The following PARD3B variants were observed in gnomAD, a reference collection of about 807,000 sequenced individuals.
PARD3B encodes the protein par-3 family cell polarity regulator beta, also known as partitioning defective 3 homolog B.
PARD3B carries 103 observed loss-of-function variants against 130.2 expected under a neutral mutation model. That is an observed-to-expected ratio of 0.79 (90% CI 0.67 to 0.93). PARD3B has a LOEUF of 0.93. Ranked by LOEUF, PARD3B falls within the 40% of genes least tolerant of loss-of-function variation. The pLI, the probability that PARD3B is intolerant of heterozygous loss-of-function variation, is 0.00. For synonymous variants in PARD3B, 583 were observed against 553.2 expected (o/e 1.05, Z -0.76); for missense variants, 1,609 against 1,499.2 (o/e 1.07, Z -1.21).
chr2:204,619,611 T>C (rs1453606912), intron 1 of PARD3B, among the ~76,000 whole-genome samples: 2 of 152,164 alleles, frequency 1.3e-5, no homozygotes, highest in East Asian at 3.9e-4. Flanking sequence ...TGTTGCTTTA[T>C]TGCCGCATTA....
intron 8 of PARD3B, among the ~76,000 whole-genome samples, chr2:205,123,069 G>A (rs2030941796): frequency 6.6e-6 from 1 of 152,102 alleles, no homozygotes; most frequent in African/African-American, 2.4e-5. Flanking sequence ...TGAAAGATAC[G>A]ACATCACATC....
At chr2:205,260,227 C>T (rs1289176095) in intron 16 of PARD3B, among the ~76,000 whole-genome samples, 2 of 152,098 alleles carry the variant, frequency 1.3e-5, no homozygotes, top group African/African-American at 4.8e-5. Flanking sequence ...AGTGGCATCA[C>T]CAGAATACCT....
chr2:204,857,658 G>A lies in PARD3B; in HGVS notation c.223-107494G>A, dbSNP rs1188887740. Among the ~76,000 whole-genome samples, 6 of 152,116 alleles carry A rather than the reference G, an allele frequency of 3.9e-5. No individual in the cohort carries two copies. The South Asian group carries it at 6.2e-4, about 16-fold the overall frequency. On this transcript the variant is annotated intron_variant, in intron 2 of 22. Transcript: ENST00000406610. ...AATGGAATTGAACTGGGGGACAGGG[G>A]TCAAACAAGGCCTTCTTGTTCATAT...
At chr2:204,860,131 AAC>A (rs2045121543) in intron 2 of PARD3B, among the ~76,000 whole-genome samples, 2 of 152,152 alleles carry the variant, frequency 1.3e-5, no homozygotes, top group African/African-American at 4.8e-5. Context: ...ACATTATAAA[AAC>A]AAAAAGGAAT....
intron 1 of PARD3B, among the ~76,000 whole-genome samples, chr2:204,548,449 CAG>C (rs1193349158): frequency 4.6e-5 from 7 of 152,074 alleles, no homozygotes; most frequent in East Asian, 1.9e-4. Context: ...TTTTACAAAT[CAG>C]GGGAAAAAGA....
intron 2 of PARD3B, among the ~76,000 whole-genome samples, chr2:204,749,341 G>A (rs1004834360): frequency 6.6e-6 from 1 of 152,038 alleles, no homozygotes; most frequent in Admixed American, 6.6e-5. Flanking sequence ...AATAATTTTG[G>A]TGTATTGTAA....
chr2:205,539,377 A>T (rs2052017487), intron 21 of PARD3B, among the ~76,000 whole-genome samples: 1 of 152,182 alleles, frequency 6.6e-6, no homozygotes. Flanking sequence ...TTTAATATGT[A>T]TGTAGGAACT....
intron 7 of PARD3B, 70 bp downstream of exon 7, chr2:205,119,116 T>C (rs1401899633): frequency 6.7e-7 from 1 of 1,483,604 alleles, no homozygotes; most frequent in Non-Finnish European, 9.0e-7. Flanking sequence ...ACTGAACTCA[T>C]TATGATCAAA....
At chr2:205,439,632 A>G (rs1042005124) in intron 19 of PARD3B, among the ~76,000 whole-genome samples, 1 of 152,164 alleles carries the variant, frequency 6.6e-6, no homozygotes, top group Admixed American at 6.5e-5. Context: ...TAGCACTAGC[A>G]TTTTGTAATA....
At chr2:205,227,042 C>T (rs551891961) in intron 15 of PARD3B, among the ~76,000 whole-genome samples, 10 of 150,566 alleles carry the variant, frequency 6.6e-5, no homozygotes, top group East Asian at 4.0e-4. Flanking sequence ...AGAATATACT[C>T]GATATAATTT....
intron 3 of PARD3B, among the ~76,000 whole-genome samples, chr2:205,007,211 C>T (rs940637382): frequency 1.3e-5 from 2 of 152,188 alleles, no homozygotes; most frequent in East Asian, 3.9e-4. Context: ...TTCCCCTTCA[C>T]CTTCCACCGT....
At chr2:205,419,975 G>T (rs368582926) in intron 19 of PARD3B, among the ~76,000 whole-genome samples, 1 of 152,110 alleles carries the variant, frequency 6.6e-6, no homozygotes, top group Admixed American at 6.6e-5. Context: ...ATATATTTTC[G>T]AAAGATTTGC....
rs1302129359 is a variant in PARD3B at position 205,119,031 on chromosome 2, A to G, written c.791A>G (p.Asp264Gly). The G allele has an allele frequency of 6.2e-7, 1 of 1,603,828 alleles. No homozygotes were observed. ...IVKINNVDLV[D>G]KTFAQAQDVF... ...AAAATCAACAATGTGGATCTCGTAG[A>G]CAAAACCTTTGCTCAGTAAGCATTT... The change falls in exon 7 of 23, where the codon GAC becomes GGC. Residue 264 changes from aspartate to glycine, a missense_variant. Transcript: ENST00000406610.
intron 1 of PARD3B, among the ~76,000 whole-genome samples, chr2:204,663,782 T>C (rs1159594708): frequency 6.6e-6 from 1 of 152,228 alleles, no homozygotes; most frequent in East Asian, 1.9e-4. Flanking sequence ...AGTAGATAAC[T>C]ATTTTAAAAA....
At chr2:204,862,250 A>G (rs2045239990) in intron 2 of PARD3B, among the ~76,000 whole-genome samples, 1 of 152,174 alleles carries the variant, frequency 6.6e-6, no homozygotes, top group African/African-American at 2.4e-5. Context: ...CCTCTGGGTC[A>G]CACAAGCCAG....
At chr2:205,404,712 G>T (rs1440595425) in intron 19 of PARD3B, among the ~76,000 whole-genome samples, 1 of 151,318 alleles carries the variant, frequency 6.6e-6, no homozygotes, top group South Asian at 2.1e-4. Context: ...AAGGTCTCGC[G>T]CTACGTTGTA....
chr2:204,826,272 C>G (rs73066676), intron 2 of PARD3B, among the ~76,000 whole-genome samples: 2,586 of 152,252 alleles, frequency 0.017, 65 homozygotes, highest in African/African-American at 0.057. Context: ...GCTGCGTGCT[C>G]TTATAATGGA....
chr2:204,910,754 G>A (rs1559250181), intron 2 of PARD3B, among the ~76,000 whole-genome samples: 1 of 152,112 alleles, frequency 6.6e-6, no homozygotes, highest in Non-Finnish European at 1.5e-5. Flanking sequence ...CCATTCTCCT[G>A]CCTCAGCCTC....
At position 205,476,933 on chromosome 2, in the gene PARD3B, G is replaced by A. The variant is rs2049042176; in HGVS notation, c.3045-22963G>A. Among the ~76,000 whole-genome samples, 3 of 152,104 alleles carry A rather than the reference G, an allele frequency of 2.0e-5. 1 individual carries two copies. In the South Asian group the frequency reaches 6.2e-4, roughly 32 times the overall value. On this transcript the variant is annotated intron_variant, in intron 20 of 22. Coordinates refer to ENST00000406610, the MANE Select transcript of PARD3B (RefSeq NM_001302769.2). ...ATTAACTTCTCACCTTGGTATTCTG[G>A]TAGTGTAATGAAAACATCTGTTACT...
Sources: allele counts gnomAD v4.1 joint callset (sites outside exome capture counted in the v4.1 genomes callset), GRCh38; gene constraint gnomAD v4.1.1; transcripts MANE v1.5; gene names NCBI Gene and HGNC (gene_info 2026-07-23, HGNC 2026-07-21).